The following WASF2 variants were observed in gnomAD, a reference collection of about 807,000 sequenced individuals.
WASF2 encodes the protein WASP family member 2.
Under a neutral mutation model 45.0 loss-of-function variants are expected in WASF2, and 14 were observed. That is an observed-to-expected ratio of 0.31 (90% CI 0.21 to 0.49). The LOEUF (loss-of-function observed/expected upper bound fraction) is 0.49, where lower values mean the gene tolerates loss of function less well. WASF2 is among the 20% of genes least tolerant of loss of function. The pLI is 0.99. For missense variants in WASF2, 439 were observed against 636.1 expected, an observed-to-expected ratio of 0.69 and a Z score of 3.33; for synonymous variants, 200 against 236.3, an observed-to-expected ratio of 0.85 and a Z score of 1.41.
intron 6 of WASF2, 130 bp from the exon 7 acceptor site, chr1:27,412,857 A>T (rs1021339651): frequency 9.7e-7 from 1 of 1,027,878 alleles, no homozygotes; most frequent in African/African-American, 1.6e-5. Context: ...TATATTTCCC[A>T]CATATTTTCT....
chr1:27,474,542 T>C (rs962545161), intron 1 of WASF2, among the ~76,000 whole-genome samples: 5 of 151,414 alleles, frequency 3.3e-5, no homozygotes, highest in African/African-American at 1.2e-4. Flanking sequence ...GAGGCTGAGG[T>C]GGGCGGATCA....
chr1:27,419,697 GATTGGGAGTTCAGAGGACGTTCTACGTAT>G (rs2016879505), intron 2 of WASF2, among the ~76,000 whole-genome samples: 1 of 152,222 alleles, frequency 6.6e-6, no homozygotes, highest in Non-Finnish European at 1.5e-5. Context: ...CTGAAAAACA[GATTGGGAGTTCAGAGGACGTTCTACGTAT>G]CTAAAATTAA....
intron 1 of WASF2, among the ~76,000 whole-genome samples, chr1:27,462,280 T>A (rs1372260452): frequency 6.6e-6 from 1 of 152,096 alleles, no homozygotes; most frequent in Non-Finnish European, 1.5e-5. Flanking sequence ...CTGGCCCTAT[T>A]ATTAATTTTT....
intron 1 of WASF2, among the ~76,000 whole-genome samples, chr1:27,452,673 C>T (rs2017400729): frequency 6.7e-6 from 1 of 150,080 alleles, no homozygotes; most frequent in Non-Finnish European, 1.5e-5. Flanking sequence ...AAAAAATTAC[C>T]CAGGCATGGT....
chr1:27,435,328 G>A (rs1242554362), intron 1 of WASF2, among the ~76,000 whole-genome samples: 1 of 152,076 alleles, frequency 6.6e-6, no homozygotes, highest in African/African-American at 2.4e-5. Context: ...GCTCGCACCT[G>A]TAATCCCAAC....
intron 1 of WASF2, among the ~76,000 whole-genome samples, chr1:27,475,202 G>A (rs184399832): frequency 1.5e-4 from 23 of 152,206 alleles, no homozygotes; most frequent in Admixed American, 3.9e-4. Context: ...AAGCTGCAGC[G>A]AGCCAAGACT....
intron 1 of WASF2, among the ~76,000 whole-genome samples, chr1:27,464,014 G>C (rs879318192): frequency 2.6e-5 from 4 of 151,420 alleles, no homozygotes; most frequent in Non-Finnish European, 5.9e-5. Context: ...CAGGTGATCC[G>C]CCCACCTCAG....
rs1013471858 is a variant in WASF2, at chr1:27,418,434, T to C, written c.266-12A>G. The C allele has an allele frequency of 1.2e-6, 2 of 1,614,088 alleles. No individual in the cohort carries two copies. Among genetic ancestry groups the C allele is most frequent in the African/African-American group, 1.3e-5 (1 of 74,934 alleles). ...TCCTTGCAGTGACACTGAGAGAAGA[T>C]GGAAGGCGTTAGAAAATGGACGACA... is the stretch of plus-strand genomic sequence containing the variant. On this transcript the variant is annotated splice_polypyrimidine_tract_variant and intron_variant, in intron 3 of 8. Transcript: ENST00000618852.
At chr1:27,476,350 T>C (rs1050093967) in intron 1 of WASF2, among the ~76,000 whole-genome samples, 1 of 152,192 alleles carries the variant, frequency 6.6e-6, no homozygotes, top group Non-Finnish European at 1.5e-5. Flanking sequence ...AGGAAGCTTT[T>C]ACTCATGGCA....
intron 1 of WASF2, among the ~76,000 whole-genome samples, chr1:27,458,943 T>A (rs1219614049): frequency 2.0e-5 from 3 of 151,662 alleles, no homozygotes; most frequent in African/African-American, 7.3e-5. Context: ...CTGGCCAACA[T>A]GGTAAAACCC....
chr1:27,443,071 G>C (rs1409209263), intron 1 of WASF2, among the ~76,000 whole-genome samples: 2 of 151,634 alleles, frequency 1.3e-5, no homozygotes, highest in African/African-American at 2.4e-5. Context: ...GGCCGAGATG[G>C]GGGGATTGCC....
Position 27,487,494 on chromosome 1 carries a change from TA to T in WASF2, c.-44+2491del, listed in dbSNP as rs1452943464. On this transcript the variant is annotated intron_variant, in intron 1 of 8. Transcript: ENST00000618852. ...ATATTTTATATAAATATATATTATA[TA>T]ATATTATAATATATGTTATATTATA... is the stretch of plus-strand genomic sequence containing the variant. Among the ~76,000 whole-genome samples the T allele has an allele frequency of 3.0e-4, 29 of 98,278 alleles. 1 individual carries two copies. The Middle Eastern group carries it at 0.015, about 50-fold the overall frequency. 64.5% of individuals were successfully genotyped at this position (98,278 alleles called of 152,430 possible).
chr1:27,482,916 G>A (rs2017872077), intron 1 of WASF2, among the ~76,000 whole-genome samples: 1 of 152,132 alleles, frequency 6.6e-6, no homozygotes, highest in African/African-American at 2.4e-5. Context: ...ACAATATCTG[G>A]AGACATTTCT....
At chr1:27,485,597 G>A (rs989087692) in intron 1 of WASF2, among the ~76,000 whole-genome samples, 13 of 152,100 alleles carry the variant, frequency 8.5e-5, no homozygotes, top group African/African-American at 3.1e-4. Flanking sequence ...ATTTCTGTAT[G>A]ACAGAAACAA....
At position 27,416,012 on chromosome 1, in the gene WASF2, A is replaced by G; in HGVS notation, c.510T>C (p.Asp170=). 1.9e-6 allele frequency: 3 copies of G among 1,613,978 alleles called. No homozygotes were observed. The highest frequency in any genetic ancestry group is 2.5e-6 in the Non-Finnish European group (3 of 1,179,964). ...WKEKMLQDTK[D]IMKEKRKHRK... ...TATGCTTTCTCTTCTCTTTCATGATATCCTTGGTGTCCTGCAGCATCTTCT... is the reference window on the plus strand; with the variant it reads ...TATGCTTTCTCTTCTCTTTCATGATGTCCTTGGTGTCCTGCAGCATCTTCT... Residue 170 remains aspartate (D), a synonymous_variant, in exon 5 of 9, where the codon GAT becomes GAC. Transcript: ENST00000618852.
chr1:27,467,124 G>A (rs937246619), intron 1 of WASF2, among the ~76,000 whole-genome samples: 1 of 150,654 alleles, frequency 6.6e-6, no homozygotes, highest in Non-Finnish European at 1.5e-5. Context: ...TGAGGTGGGA[G>A]GGTCACTTGA....
chr1:27,489,588 T>C (rs189516877), intron 1 of WASF2, among the ~76,000 whole-genome samples: 104 of 152,166 alleles, frequency 6.8e-4, no homozygotes, highest in Admixed American at 2.9e-3. Flanking sequence ...TTGTCCAAGA[T>C]CTCAGACAAC....
At chr1:27,461,461 T>C (rs907394822) in intron 1 of WASF2, among the ~76,000 whole-genome samples, 25 of 94,394 alleles carry the variant, frequency 2.6e-4, no homozygotes, top group Non-Finnish European at 1.8e-4. Context: ...CACTTCAGCA[T>C]TTTTTTTTTT....
chr1:27,475,316 T>C (rs549866469), intron 1 of WASF2, among the ~76,000 whole-genome samples: 12 of 152,112 alleles, frequency 7.9e-5, no homozygotes, highest in Non-Finnish European at 1.8e-4. Context: ...CTCCTACCCA[T>C]CTCTCCAATC....
Sources: allele counts gnomAD v4.1 joint callset (sites outside exome capture counted in the v4.1 genomes callset), GRCh38; gene constraint gnomAD v4.1.1; transcripts MANE v1.5; gene names NCBI Gene and HGNC (gene_info 2026-07-23, HGNC 2026-07-21).